The following VPS13B variants were observed in gnomAD, a reference collection of about 807,000 sequenced individuals.
The protein encoded by VPS13B is vacuolar protein sorting 13 homolog B, also known as intermembrane lipid transfer protein VPS13B.
VPS13B carries 285 observed loss-of-function variants against 426.4 expected under a neutral mutation model. The observed-to-expected ratio is 0.67, with a 90% CI of 0.61 to 0.74. The LOEUF (loss-of-function observed/expected upper bound fraction) is 0.74. Ranked by LOEUF, VPS13B falls within the 30% of genes least tolerant of loss-of-function variation. VPS13B has a pLI of 0.00. For synonymous variants in VPS13B, 1,676 were observed against 1,676.4 expected (o/e 1.00, Z 0.01); for missense variants, 4,537 against 4,782.6 (o/e 0.95, Z 1.51).
intron 19 of VPS13B, among the ~76,000 whole-genome samples, chr8:99,325,169 T>C (rs1057301669): frequency 6.6e-6 from 1 of 152,156 alleles, no homozygotes; most frequent in Non-Finnish European, 1.5e-5. Flanking sequence ...GAGGTTGGGC[T>C]CAAACTCCTG....
chr8:99,324,811 T>C (rs1290116536), intron 19 of VPS13B, among the ~76,000 whole-genome samples: 1 of 152,202 alleles, frequency 6.6e-6, no homozygotes, highest in Non-Finnish European at 1.5e-5. Context: ...TTTTAGGACT[T>C]GTTACTATAA....
At chr8:99,383,813 T>A (rs1018351274) in intron 19 of VPS13B, among the ~76,000 whole-genome samples, 2 of 152,242 alleles carry the variant, frequency 1.3e-5, no homozygotes, top group East Asian at 3.8e-4. Flanking sequence ...TTTTTATGGA[T>A]AAATACTTTT....
At chr8:99,810,631 G>A (rs994580176) in intron 44 of VPS13B, among the ~76,000 whole-genome samples, 1 of 152,208 alleles carries the variant, frequency 6.6e-6, no homozygotes, top group African/African-American at 2.4e-5. Flanking sequence ...AATTAACTGA[G>A]CATTCCTCAG....
chr8:99,028,814 C>A (rs1399986781), intron 2 of VPS13B, among the ~76,000 whole-genome samples: 1 of 88,676 alleles, frequency 1.1e-5, no homozygotes, highest in African/African-American at 4.6e-5. Context: ...AGCCCCTCAC[C>A]TCCCAGATGG....
At chr8:99,110,964 C>T in intron 5 of VPS13B, 134 bp from the exon 6 acceptor site, 2 of 608,558 alleles carry the variant, frequency 3.3e-6, no homozygotes. Flanking sequence ...TATGGTCTGG[C>T]ATTATGTATT....
At chr8:99,582,645 ATTTTCTTTT>A (rs901826156) in intron 33 of VPS13B, among the ~76,000 whole-genome samples, 7 of 151,704 alleles carry the variant, frequency 4.6e-5, no homozygotes, top group African/African-American at 1.7e-4. Flanking sequence ...TCATTGCCAC[ATTTTCTTTT>A]TTTTCTTTTT....
chr8:99,383,060 A>C (rs185214964), intron 19 of VPS13B, among the ~76,000 whole-genome samples: 1 of 152,342 alleles, frequency 6.6e-6, no homozygotes, highest in African/African-American at 2.4e-5. Flanking sequence ...ACAATTACAG[A>C]AACTTATTTA....
chr8:99,518,541 T>C (rs1822209825), intron 29 of VPS13B, among the ~76,000 whole-genome samples: 1 of 152,150 alleles, frequency 6.6e-6, no homozygotes. Flanking sequence ...TGATAGTTCA[T>C]CTCTTTTTTT....
intron 43 of VPS13B, among the ~76,000 whole-genome samples, chr8:99,784,879 A>G (rs1396307420): frequency 1.3e-5 from 2 of 152,116 alleles, no homozygotes; most frequent in East Asian, 1.9e-4. Flanking sequence ...ATACATAAGC[A>G]TTGTGTTCGG....
At chr8:99,066,539 C>G (rs976511315) in intron 3 of VPS13B, among the ~76,000 whole-genome samples, 1 of 152,082 alleles carries the variant, frequency 6.6e-6, no homozygotes, top group Non-Finnish European at 1.5e-5. Context: ...GACCTAAAAC[C>G]ACAAAAACCC....
At chr8:99,361,466 T>A (rs1455695993) in intron 19 of VPS13B, among the ~76,000 whole-genome samples, 1 of 152,138 alleles carries the variant, frequency 6.6e-6, no homozygotes, top group Non-Finnish European at 1.5e-5. Context: ...AGAAAAGGTG[T>A]GTTATTTTGT....
chr8:99,630,164 A>C (rs1408204592), intron 33 of VPS13B, among the ~76,000 whole-genome samples: 1 of 152,134 alleles, frequency 6.6e-6, no homozygotes, highest in African/African-American at 2.4e-5. Context: ...CACTGCTTTG[A>C]AGACAGGCCT....
At position 99,835,186 on chromosome 8, in the gene VPS13B, T is replaced by C; in HGVS notation, c.9615-11T>C. On this transcript the variant is annotated splice_polypyrimidine_tract_variant and intron_variant, in intron 52 of 61. Coordinates refer to ENST00000357162, the MANE Select transcript of VPS13B (RefSeq NM_152564.5). ...TAAACATTTCTGTCATTTGACTTGA[T>C]TCTCTTCCAGGGCTATAGTGCTGAC... 1 of 1,613,918 alleles carries C rather than the reference T, an allele frequency of 6.2e-7. No homozygotes were observed.
intron 4 of VPS13B, among the ~76,000 whole-genome samples, chr8:99,098,738 A>AT (rs1389103077): frequency 2.0e-5 from 3 of 152,088 alleles, no homozygotes; most frequent in Non-Finnish European, 4.4e-5. Flanking sequence ...TTCCAATCAC[A>AT]TTTTTAGTGT....
chr8:99,140,782 G>T (rs4734426), intron 12 of VPS13B, among the ~76,000 whole-genome samples: 40,246 of 151,814 alleles, frequency 0.27, 6,070 homozygotes, highest in East Asian at 0.43. Flanking sequence ...CTTTTGCCCA[G>T]GAGCTTCTTA....
At chr8:99,285,583 T>C (rs1819391073) in intron 19 of VPS13B, among the ~76,000 whole-genome samples, 1 of 152,194 alleles carries the variant, frequency 6.6e-6, no homozygotes, top group Non-Finnish European at 1.5e-5. Flanking sequence ...CAGTATTACT[T>C]TATTTTCTAC....
chr8:99,422,338 T>C (rs896074982), intron 21 of VPS13B, among the ~76,000 whole-genome samples: 6 of 152,158 alleles, frequency 3.9e-5, no homozygotes, highest in African/African-American at 7.2e-5. Flanking sequence ...ACAAAAAACA[T>C]GTAGCTGTTT....
intron 40 of VPS13B, among the ~76,000 whole-genome samples, chr8:99,774,787 T>G (rs984342499): frequency 1.3e-5 from 2 of 152,236 alleles, no homozygotes; most frequent in Admixed American, 6.5e-5. Context: ...CAATGAAATC[T>G]TTTGTTAACT....
intron 3 of VPS13B, among the ~76,000 whole-genome samples, chr8:99,048,838 A>G (rs1843369522): frequency 6.7e-6 from 1 of 150,092 alleles, no homozygotes; most frequent in Non-Finnish European, 1.5e-5. Context: ...AAAATTTGGG[A>G]GCTCCAGTGT....
Sources: allele counts gnomAD v4.1 joint callset (sites outside exome capture counted in the v4.1 genomes callset), GRCh38; gene constraint gnomAD v4.1.1; transcripts MANE v1.5; gene names NCBI Gene and HGNC (gene_info 2026-07-23, HGNC 2026-07-21).